Variants in ARHGEF37 observed in about 807,000 individuals in gnomAD.
The protein encoded by ARHGEF37 is Rho guanine nucleotide exchange factor (GEF) 37.
ARHGEF37 carries 55 observed loss-of-function variants against 71.1 expected under a neutral mutation model. The ratio of observed to expected loss-of-function variants is 0.77; its 90% CI spans 0.62 to 0.97. ARHGEF37 has a LOEUF of 0.97. Among genes scored for constraint, ARHGEF37 ranks in the 50% least tolerant of loss-of-function variants. The probability of loss-of-function intolerance (pLI) is 0.00; values close to 1 mark genes in which losing one functional copy is unlikely to be tolerated. For missense variants in ARHGEF37, 765 were observed against 836.8 expected (o/e 0.91, Z 1.06); for synonymous variants, 327 against 350.6 (o/e 0.93, Z 0.75).
Position 149,624,938 on chromosome 5 carries a change from G to A in ARHGEF37, c.1464+798G>A, listed in dbSNP as rs10476741. Among the ~76,000 whole-genome samples the A allele has an allele frequency of 4.4e-5, 6 of 135,082 alleles. No individual in the cohort carries two copies. The East Asian group carries it at 6.3e-4, about 14-fold the overall frequency. 88.6% of individuals were successfully genotyped at this position (135,082 alleles called of 152,430 possible). On this transcript the variant is annotated intron_variant, in intron 10 of 12. Transcript: ENST00000333677. ...TTTTGAGATGGAGTTTCACACTGTCGCCCAGGGTGGAGTGCAGTGGTGTGG... is the reference window on the plus strand; with the variant it reads ...TTTTGAGATGGAGTTTCACACTGTCACCCAGGGTGGAGTGCAGTGGTGTGG...
intron 4 of ARHGEF37, among the ~76,000 whole-genome samples, chr5:149,610,521 G>A (rs1948995172): frequency 6.6e-6 from 1 of 152,138 alleles, no homozygotes; most frequent in Non-Finnish European, 1.5e-5. Flanking sequence ...ATTTTTTACA[G>A]TAAAAAATAT....
chr5:149,555,414 C>T (rs576667451), intron 1 of ARHGEF37, among the ~76,000 whole-genome samples: 1 of 152,136 alleles, frequency 6.6e-6, no homozygotes, highest in South Asian at 2.1e-4. Context: ...AGCAATCCCC[C>T]TGCCTCAAGC....
At chr5:149,560,087 A>G (rs1451900624) in intron 1 of ARHGEF37, among the ~76,000 whole-genome samples, 21 of 152,152 alleles carry the variant, frequency 1.4e-4, no homozygotes, top group Admixed American at 1.4e-3. Context: ...AAGTATGAGA[A>G]AAAGTAATCT....
rs541210399 is a variant in ARHGEF37 at position 149,564,716 on chromosome 5, C to T, written c.-12+12593C>T. Among the ~76,000 whole-genome samples the T allele has an allele frequency of 2.0e-4, 30 of 152,176 alleles. 1 individual carries two copies. Among genetic ancestry groups the T allele is most frequent in the African/African-American group, 6.5e-4 (27 of 41,532 alleles). On this transcript the variant is annotated intron_variant, in intron 1 of 2. Coordinates refer to the ARHGEF37 transcript ENST00000505810. ...GTGCATGCCTGTAATCCCAGCTACT[C>T]AAGAGGCTGAAGCAGGAGAATCGCC...
intron 12 of ARHGEF37, among the ~76,000 whole-genome samples, chr5:149,630,100 T>G (rs775401386): frequency 9.9e-5 from 15 of 152,138 alleles, no homozygotes; most frequent in Non-Finnish European, 1.9e-4. Context: ...TGTTCTGGAA[T>G]TAGATAGTGG....
At chr5:149,552,755 C>T (rs1330582142) in intron 1 of ARHGEF37, among the ~76,000 whole-genome samples, 2 of 151,928 alleles carry the variant, frequency 1.3e-5, no homozygotes, top group Non-Finnish European at 2.9e-5. Flanking sequence ...CGCTTGAACC[C>T]GGGAGGCGGA....
At chr5:149,622,126 G>A in intron 9 of ARHGEF37, 64 bp downstream of exon 9, 1 of 1,474,592 alleles carries the variant, frequency 6.8e-7, no homozygotes. Context: ...AGCCCCATCA[G>A]CCAGCTGTGT....
chr5:149,594,976 T>G (rs1438164542), intron 1 of ARHGEF37, among the ~76,000 whole-genome samples: 1 of 152,226 alleles, frequency 6.6e-6, no homozygotes, highest in Non-Finnish European at 1.5e-5. Context: ...CCTAAAAGAT[T>G]ACATACTGTG....
intron 4 of ARHGEF37, among the ~76,000 whole-genome samples, chr5:149,611,306 TG>T: frequency 6.6e-6 from 1 of 152,302 alleles, no homozygotes. Flanking sequence ...ATAGCAGTGA[TG>T]TTTTTGCAAA....
At chr5:149,586,734 A>G (rs547850538) in intron 1 of ARHGEF37, among the ~76,000 whole-genome samples, 2 of 152,362 alleles carry the variant, frequency 1.3e-5, no homozygotes, top group South Asian at 4.1e-4. Flanking sequence ...CCAGAGGTGG[A>G]CACTGATCAA....
intron 1 of ARHGEF37, among the ~76,000 whole-genome samples, chr5:149,567,065 A>G (rs1481089234): frequency 6.6e-6 from 1 of 152,214 alleles, no homozygotes; most frequent in Admixed American, 6.5e-5. Flanking sequence ...TTACCAGTCC[A>G]GGATTCAATT....
intron 3 of ARHGEF37, among the ~76,000 whole-genome samples, chr5:149,604,676 A>ATTTTTTTTTTTTTTTTTTTTTTTTT (rs528100482): frequency 1.1e-5 from 1 of 91,696 alleles, no homozygotes. Context: ...CAGCAACACC[A>ATTTTTTTTTTTTTTTTTTTTTTTTT]TTTTTTTTTT....
In ARHGEF37 at chr5:149,632,273, A is replaced by C. The variant is rs1752908494; in HGVS notation, c.*82A>C. 2 of 1,499,376 alleles carry C rather than the reference A, an allele frequency of 1.3e-6. No individual in the cohort carries two copies. Among genetic ancestry groups the C allele is most frequent in the Admixed American group, 3.9e-5 (2 of 51,418 alleles). The allele number at this position is 1,499,376 out of a possible 1,614,324, so 92.9% of individuals were successfully genotyped here. ...CCCTGGGGGGAAAAGAAGCAAAGGAAAGGTGGAGGTGGAAGGGAAGACCAG... is the reference window on the plus strand; with the variant it reads ...CCCTGGGGGGAAAAGAAGCAAAGGACAGGTGGAGGTGGAAGGGAAGACCAG... On this transcript the variant is annotated 3_prime_UTR_variant, in exon 13 of 13. Coordinates refer to ENST00000333677, the MANE Select transcript of ARHGEF37 (RefSeq NM_001001669.3).
intron 11 of ARHGEF37, among the ~76,000 whole-genome samples, chr5:149,628,133 C>T (rs1752753970): frequency 6.6e-6 from 1 of 152,126 alleles, no homozygotes; most frequent in Non-Finnish European, 1.5e-5. Context: ...TAAGCAAGGC[C>T]CCCGAGGCCA....
intron 2 of ARHGEF37, among the ~76,000 whole-genome samples, chr5:149,600,550 G>A (rs1274489056): frequency 6.6e-6 from 1 of 152,294 alleles, no homozygotes; most frequent in South Asian, 2.1e-4. Context: ...AAGCTAGCTG[G>A]CAGCAGACCT....
chr5:149,570,766 C>T (rs1436166255), intron 1 of ARHGEF37, among the ~76,000 whole-genome samples: 1 of 150,822 alleles, frequency 6.6e-6, no homozygotes, highest in Non-Finnish European at 1.5e-5. Flanking sequence ...GTCCCAGCTA[C>T]TTGGGAGGCT....
Position 149,597,949 on chromosome 5 carries a change from C to T in ARHGEF37, c.180C>T (p.Leu60=), listed in dbSNP as rs1363479250. ...GTGCCTCTGACATCAGGAGCCGCCTCCAGCAGGTACTTGGGTGGGGTCACA... is the reference window on the plus strand; with the variant it reads ...GTGCCTCTGACATCAGGAGCCGCCTTCAGCAGGTACTTGGGTGGGGTCACA... The part of the protein sequence containing the change: ...QLCASDIRSR[L]QQLPQGDLDV... Residue 60 remains leucine, a synonymous_variant, in exon 2 of 13, where the codon CTC becomes CTT. Transcript: ENST00000333677. 3 of 1,586,700 alleles carry T rather than the reference C, an allele frequency of 1.9e-6. No individual in the cohort carries two copies. The highest frequency in any genetic ancestry group is 2.6e-6 in the Non-Finnish European group (3 of 1,167,466).
intron 1 of ARHGEF37, among the ~76,000 whole-genome samples, chr5:149,587,515 G>A (rs1349914021): frequency 6.6e-6 from 1 of 152,166 alleles, no homozygotes; most frequent in Non-Finnish European, 1.5e-5. Context: ...AGGAAAGCCA[G>A]CTAATGGATT....
Position 149,627,211 on chromosome 5 carries a change from G to A in ARHGEF37, c.1600G>A (p.Ala534Thr). The A allele has an allele frequency of 6.2e-7, 1 of 1,614,062 alleles. No individual in the cohort carries two copies. The highest frequency in any genetic ancestry group is 8.5e-7 in the Non-Finnish European group (1 of 1,180,036). Residue 534 changes from alanine (A) to threonine (T), a missense_variant, in exon 11 of 13, where the codon GCC becomes ACC. Around this residue, in one of 5 missense-constraint regions of ARHGEF37, gnomAD observed 390 missense variants for 407.4 expected, o/e 0.96. Coordinates refer to ENST00000333677, the MANE Select transcript of ARHGEF37 (RefSeq NM_001001669.3). The stretch of plus-strand genomic sequence containing the variant: ...GACTCTGCCTCGGGGCCAAATCGTG[G>A]CCATCCTTCAAAACAAGGACACCAA... ...DLTLPRGQIV[A>T]ILQNKDTKGN...
Sources: gnomAD v4.1 joint callset for allele counts (sites outside exome capture counted in the v4.1 genomes callset) on GRCh38, gnomAD v4.1.1 for gene constraint, gnomAD v4.1.1 regional missense constraint, MANE v1.5 for transcripts, NCBI Gene and HGNC (gene_info 2026-07-23, HGNC 2026-07-21) for gene names.